Variants in MYBBP1A observed in about 807,000 individuals in gnomAD.
MYBBP1A encodes the protein MYB binding protein 1a.
Under a neutral mutation model 136.3 loss-of-function variants are expected in MYBBP1A, and 147 were observed. The observed-to-expected ratio is 1.08, with a 90% CI of 0.94 to 1.24. The LOEUF is 1.24. Ranked by LOEUF, MYBBP1A falls within the 50% of genes most tolerant of loss-of-function variation. MYBBP1A has a pLI of 0.00. For synonymous variants in MYBBP1A, 947 were observed against 735.8 expected, an observed-to-expected ratio of 1.29 and a Z score of -4.65; for missense variants, 2,060 against 1,727.4, an observed-to-expected ratio of 1.19 and a Z score of -3.41.
Position 4,542,983 on chromosome 17 carries a change from C to T in MYBBP1A, c.2822G>A (p.Gly941Asp), listed in dbSNP as rs568450793. The T allele has an allele frequency of 3.1e-6, 5 of 1,614,082 alleles. No individual in the cohort carries two copies. The highest frequency in any genetic ancestry group is 1.7e-5 in the Admixed American group (1 of 60,022). Residue 941 changes from glycine to aspartate, a missense_variant, in exon 20 of 26, where the codon GGC becomes GAC. Gly to Asp is a moderately conservative substitution (Grantham distance 94). Coordinates refer to ENST00000254718, the MANE Select transcript of MYBBP1A (RefSeq NM_014520.4). ...CTTCTCCTGTGTCTCATGCACGCAGCCCTCAGCAGTGTTGCCCTTCAAGAC... is the reference window on the plus strand; with the variant it reads ...CTTCTCCTGTGTCTCATGCACGCAGTCCTCAGCAGTGTTGCCCTTCAAGAC... Reference protein sequence around the residue: ...LRVLKGNTAEGCVHETQEKQK... With the variant: ...LRVLKGNTAEDCVHETQEKQK...
At position 4,539,841 on chromosome 17, in the gene MYBBP1A, C is replaced by CT; in HGVS notation, c.3560dup (p.Asp1188GlyfsTer32). Reference sequence around the variant, plus strand: ...TGCCATCCTCCGCTGGCGTGCCATCCTCTGACTTGCGTTTCTTGCGCTTCT... The same window carrying CT: ...TGCCATCCTCCGCTGGCGTGCCATCCTTCTGACTTGCGTTTCTTGCGCTTCT... On this transcript the variant is annotated frameshift_variant, in exon 26 of 26. Coordinates refer to ENST00000254718, the MANE Select transcript of MYBBP1A (RefSeq NM_014520.4). LOFTEE classifies it low-confidence loss of function (END_TRUNC). 6.2e-7 allele frequency: 1 copy of CT among 1,609,398 alleles called. No homozygotes were observed. Among genetic ancestry groups the CT allele is most frequent in the East Asian group, 2.2e-5 (1 of 44,886 alleles).
chr17:4,552,608 G>A lies in MYBBP1A; in HGVS notation c.580C>T (p.Gln194Ter), dbSNP rs1197649394. Residue 194 changes from glutamine (Q) to a stop codon, truncating the protein, a stop_gained, in exon 6 of 26, where the codon CAG becomes TAG. Coordinates refer to ENST00000254718, the MANE Select transcript of MYBBP1A (RefSeq NM_014520.4). LOFTEE classifies it high-confidence loss of function. The surrounding 1 kb of genome is among the most constrained non-coding windows in gnomAD (Gnocchi z 4.7). The stretch of plus-strand genomic sequence containing the variant: ...TTGAGGACCTCCGGCAGGATCTCCT[G>A]CAATGTGGCCTTCGAGACCTAAGGA... ...ILSEVSKATL[Q>*]EILPEVLKAD... 2 of 1,613,408 alleles carry A rather than the reference G, an allele frequency of 1.2e-6. No individual in the cohort carries two copies. The highest frequency in any genetic ancestry group is 2.2e-5 in the East Asian group (1 of 44,880).
At position 4,545,034 on chromosome 17, in the gene MYBBP1A, T is replaced by TCC; in HGVS notation, c.2300_2301dup (p.Lys768GlyfsTer20). 1 of 1,213,646 alleles carries TCC rather than the reference T, an allele frequency of 8.2e-7. No individual in the cohort carries two copies. Among genetic ancestry groups the TCC allele is most frequent in the Non-Finnish European group, 1.0e-6 (1 of 955,858 alleles). The allele number at this position is 1,213,646 out of a possible 1,614,324, so 75.2% of individuals were successfully genotyped here. On this transcript the variant is annotated frameshift_variant, in exon 17 of 26. Coordinates refer to ENST00000254718, the MANE Select transcript of MYBBP1A (RefSeq NM_014520.4). LOFTEE classifies it high-confidence loss of function. ...CCACCTCCCCCACTCACCAGCGCCT[T>TCC]CCCAGCCTGCAGCACGGTCATCAGC... is the stretch of plus-strand genomic sequence containing the variant.
Position 4,539,399 on chromosome 17 carries a change from G to A in MYBBP1A, c.*16C>T. 4 of 1,578,238 alleles carry A rather than the reference G, an allele frequency of 2.5e-6. No homozygotes were observed. Among genetic ancestry groups the A allele is most frequent in the Non-Finnish European group, 3.4e-6 (4 of 1,160,808 alleles). The stretch of plus-strand genomic sequence containing the variant: ...GGCAGATGGAGGCAGGGGCTGAGGG[G>A]GGCCCGTACCTGTGCTCAGGGCTTC... On this transcript the variant is annotated 3_prime_UTR_variant, in exon 26 of 26. Transcript: ENST00000254718.
rs1296496476 is a variant in MYBBP1A, at chr17:4,554,272, G to C, written c.301C>G (p.Gln101Glu). The C allele has an allele frequency of 6.2e-7, 1 of 1,613,948 alleles. No homozygotes were observed. The change falls in exon 3 of 26, where the codon CAG (glutamine) becomes GAG (glutamate). Residue 101 changes from glutamine (Q) to glutamate (E), a missense_variant. Gln to Glu is a conservative substitution (Grantham distance 29). Transcript: ENST00000254718. ...CYSLALAQLL[Q>E]SFEDLPLCSI... ...CACAAGGGGAGGTCTTCAAAAGACT[G>C]TAACAGCTGCCAGGAGTTGTGTGGC... is the stretch of plus-strand genomic sequence containing the variant.
At chr17:4,547,924 A>T in intron 13 of MYBBP1A, 34 bp downstream of exon 13, 1 of 1,435,518 alleles carries the variant, frequency 7.0e-7, no homozygotes, top group Non-Finnish European at 9.2e-7. Context: ...ATAGAACCCC[A>T]GGCTCACAGC....
chr17:4,552,554 G>C lies in MYBBP1A; in HGVS notation c.634C>G (p.Pro212Ala). 1 of 1,614,064 alleles carries C rather than the reference G, an allele frequency of 6.2e-7. No homozygotes were observed. Residue 212 changes from proline to alanine, a missense_variant, in exon 6 of 26, where the codon CCT becomes GCT. Coordinates refer to ENST00000254718, the MANE Select transcript of MYBBP1A (RefSeq NM_014520.4). This position sits in a 1 kb window ranked among gnomAD's most constrained non-coding sequence, Gnocchi z 4.7. ...AGGAGGAAGAGCTCTAGCTGTTCAG[G>C]GGAGCTGAGTATTATATTCAAGTCG... ...KADLNIILSS[P>A]EQLELFLLAQ...
chr17:4,545,585 T>G (rs954004595), intron 15 of MYBBP1A, 25 bp downstream of exon 15: 2 of 1,555,326 alleles, frequency 1.3e-6, no homozygotes, highest in Non-Finnish European at 1.7e-6. Flanking sequence ...CAGCCCACAT[T>G]CCACTCCCAA....
chr17:4,543,393 T>G, intron 19 of MYBBP1A: 1 of 570,756 alleles, frequency 1.8e-6, no homozygotes, highest in South Asian at 2.7e-5. Context: ...ACAGAACAGC[T>G]CCCTGAGTGG....
Position 4,542,759 on chromosome 17 carries a change from G to A in MYBBP1A, c.2893-18C>T, listed in dbSNP as rs757805532. 2.4e-5 allele frequency: 38 copies of A among 1,612,530 alleles called. No homozygotes were observed. The highest frequency in any genetic ancestry group is 4.5e-5 in the East Asian group (2 of 44,868). On this transcript the variant is annotated intron_variant, in intron 20 of 25. Coordinates refer to ENST00000254718, the MANE Select transcript of MYBBP1A (RefSeq NM_014520.4). ...CTGGCAGCCTAGGCCAGGGGAGAGCGAGCTGGGTGAGGCCAGGAGAGGGGT... is the reference window on the plus strand; with the variant it reads ...CTGGCAGCCTAGGCCAGGGGAGAGCAAGCTGGGTGAGGCCAGGAGAGGGGT...
chr17:4,540,824 C>T (rs749542141), intron 24 of MYBBP1A, among the ~76,000 whole-genome samples: 1 of 151,706 alleles, frequency 6.6e-6, no homozygotes, highest in Non-Finnish European at 1.5e-5. Context: ...CCCACCCAAC[C>T]CTGCCACCTT....
chr17:4,555,013 C>T, intron 1 of MYBBP1A, 57 bp from the exon 2 acceptor site: 1 of 1,600,662 alleles, frequency 6.2e-7, no homozygotes, highest in South Asian at 1.1e-5. Flanking sequence ...CACGCCCCCG[C>T]GCACCCTGGC....
intron 19 of MYBBP1A, chr17:4,543,384 C>T (rs1906651455): frequency 5.0e-6 from 3 of 595,814 alleles, no homozygotes; most frequent in Non-Finnish European, 5.8e-6. Flanking sequence ...CAGGGGAGAA[C>T]AGAACAGCTC....
At chr17:4,544,361 G>A (rs1906748688) in intron 19 of MYBBP1A, 128 bp downstream of exon 19, 2 of 1,266,100 alleles carry the variant, frequency 1.6e-6, no homozygotes, top group Non-Finnish European at 2.2e-6. Context: ...CAGTGAGCCT[G>A]CGAGCTAGGG....
intron 8 of MYBBP1A, 31 bp downstream of exon 8, chr17:4,551,849 G>A: frequency 6.3e-7 from 1 of 1,584,500 alleles, no homozygotes; most frequent in Non-Finnish European, 8.7e-7. Context: ...TAGCCTTTCT[G>A]GCAGTGTCGA....
intron 3 of MYBBP1A, 33 bp from the exon 4 acceptor site, chr17:4,554,126 G>A (rs760277175): frequency 6.2e-7 from 1 of 1,613,264 alleles, no homozygotes; most frequent in East Asian, 2.2e-5. Context: ...GGCATGAGGG[G>A]CCCTGGAACT....
In MYBBP1A at chr17:4,548,192, C is replaced by G; in HGVS notation, c.1675G>C (p.Val559Leu). 1 of 1,607,072 alleles carries G rather than the reference C, an allele frequency of 6.2e-7. No homozygotes were observed. Among genetic ancestry groups the G allele is most frequent in the Non-Finnish European group, 8.5e-7 (1 of 1,179,994 alleles). Residue 559 changes from valine (V) to leucine (L), a missense_variant, in exon 12 of 26, where the codon GTG (valine) becomes CTG (leucine). Coordinates refer to ENST00000254718, the MANE Select transcript of MYBBP1A (RefSeq NM_014520.4). This position sits in a 1 kb window ranked among gnomAD's most constrained non-coding sequence, Gnocchi z 4.2. ...ADLLLNHSHN[V>L]TTVTPFTAQQ... is the part of the protein sequence containing the mutation. ...GCAGTGAAGGGTGTCACGGTGGTCA[C>G]GTTGTGGCTGTGATTCAACAGGAGG...
chr17:4,543,883 AC>A (rs1259921744), intron 19 of MYBBP1A, among the ~76,000 whole-genome samples: 2 of 142,744 alleles, frequency 1.4e-5, no homozygotes, highest in African/African-American at 2.7e-5. Flanking sequence ...CCAGACTCAG[AC>A]CCTTCCCCAC....
At position 4,544,871 on chromosome 17, in the gene MYBBP1A, C is replaced by T. The variant is rs1906832785; in HGVS notation, c.2361G>A (p.Met787Ile). The change falls in exon 18 of 26, where the codon ATG becomes ATA. Residue 787 changes from methionine to isoleucine, a missense_variant. Met to Ile is a conservative substitution (Grantham distance 10). Coordinates refer to ENST00000254718, the MANE Select transcript of MYBBP1A (RefSeq NM_014520.4). ...NEEELGDEAM[M>I]ALDQSLASLF... ...GGCTGGCGAGGCTCTGGTCCAGGGC[C>T]ATCATGGCCTCATCCCCCAGCTCCT... 1 of 1,608,050 alleles carries T rather than the reference C, an allele frequency of 6.2e-7. No individual in the cohort carries two copies. Among genetic ancestry groups the T allele is most frequent in the South Asian group, 1.1e-5 (1 of 89,864 alleles).
Sources: gnomAD v4.1 joint callset for allele counts (sites outside exome capture counted in the v4.1 genomes callset) on GRCh38, gnomAD v4.1.1 for gene constraint, Gnocchi (gnomAD v3.1) non-coding constraint, MANE v1.5 for transcripts, NCBI Gene and HGNC (gene_info 2026-07-23, HGNC 2026-07-21) for gene names.